The following CALN1 variants were observed in gnomAD, a reference collection of about 807,000 sequenced individuals.
CALN1 encodes the protein calcium-binding protein 8.
In CALN1, 17 loss-of-function variants were observed where a neutral mutation model predicts 30.6. The ratio of observed to expected loss-of-function variants is 0.56; its 90% CI spans 0.38 to 0.83. The LOEUF is 0.83. Ranked by LOEUF, CALN1 falls within the 40% of genes least tolerant of loss-of-function variation. The pLI is 0.00. For missense variants in CALN1, 291 were observed against 354.9 expected (o/e 0.82, Z 1.45); for synonymous variants, 156 against 131.4 (o/e 1.19, Z -1.28).
chr7:72,058,878 G>A (rs1047626043), intron 4 of CALN1, among the ~76,000 whole-genome samples: 3 of 151,984 alleles, frequency 2.0e-5, no homozygotes, highest in East Asian at 1.9e-4. Flanking sequence ...AACAAAAGTC[G>A]AAAACGAAGA....
At chr7:72,261,832 G>C (rs919518201) in intron 3 of CALN1, among the ~76,000 whole-genome samples, 1 of 152,146 alleles carries the variant, frequency 6.6e-6, no homozygotes, top group East Asian at 1.9e-4. Flanking sequence ...TGAAGTTGAT[G>C]AGTAGAGTTT....
At chr7:72,194,093 A>G (rs1231791906) in intron 3 of CALN1, among the ~76,000 whole-genome samples, 2 of 152,230 alleles carry the variant, frequency 1.3e-5, no homozygotes, top group Non-Finnish European at 2.9e-5. Context: ...TGTTCCCCAA[A>G]AAATCTATTG....
intron 4 of CALN1, among the ~76,000 whole-genome samples, chr7:72,073,345 T>C (rs1436690153): frequency 6.6e-6 from 1 of 152,210 alleles, no homozygotes; most frequent in Non-Finnish European, 1.5e-5. Flanking sequence ...TTAAACAATA[T>C]TTACTTGCTT....
intron 5 of CALN1, among the ~76,000 whole-genome samples, chr7:71,955,169 A>T (rs542383763): frequency 2.0e-5 from 3 of 152,242 alleles, no homozygotes; most frequent in Middle Eastern, 3.4e-3. Context: ...GGCAGGAGAG[A>T]GTGAGAACCA....
intron 5 of CALN1, among the ~76,000 whole-genome samples, chr7:71,860,960 G>A (rs544681200): frequency 6.9e-4 from 105 of 152,286 alleles, no homozygotes; most frequent in Non-Finnish European, 1.4e-3. Context: ...CGATGACAAA[G>A]AGAACCATCT....
At chr7:72,076,903 T>C (rs571400644) in intron 4 of CALN1, among the ~76,000 whole-genome samples, 1 of 152,086 alleles carries the variant, frequency 6.6e-6, no homozygotes, top group Admixed American at 6.6e-5. Context: ...TTCTCTCTCT[T>C]TTATTTATTT....
the CALN1 span, among the ~76,000 whole-genome samples, chr7:72,484,895 T>C: frequency 6.6e-6 from 1 of 152,206 alleles, no homozygotes. Context: ...TTATTGTTTT[T>C]TATGTATTTT....
At chr7:72,282,930 T>A (rs1350924696) in intron 2 of CALN1, among the ~76,000 whole-genome samples, 1 of 151,980 alleles carries the variant, frequency 6.6e-6, no homozygotes, top group South Asian at 2.1e-4. Flanking sequence ...GGTGGGTGCC[T>A]GTAATCCCAG....
chr7:72,126,603 C>T (rs529107416), intron 3 of CALN1, among the ~76,000 whole-genome samples: 99 of 152,212 alleles, frequency 6.5e-4, no homozygotes, highest in African/African-American at 2.1e-3. Context: ...TTACCCCTCA[C>T]CCCTTTCCCC....
At chr7:72,404,296 C>A (rs1411977024) in intron 1 of CALN1, among the ~76,000 whole-genome samples, 1 of 152,182 alleles carries the variant, frequency 6.6e-6, no homozygotes, top group African/African-American at 2.4e-5. Context: ...CAGATGCACA[C>A]TGTGTGGCAT....
chr7:72,341,712 T>C (rs1398084375), intron 2 of CALN1, among the ~76,000 whole-genome samples: 1 of 152,184 alleles, frequency 6.6e-6, no homozygotes, highest in Non-Finnish European at 1.5e-5. Context: ...TGAATCTCAT[T>C]GCCCTCATCT....
chr7:72,098,956 CATG>C (rs1806444173), intron 4 of CALN1, among the ~76,000 whole-genome samples: 1 of 152,108 alleles, frequency 6.6e-6, no homozygotes, highest in Admixed American at 6.5e-5. Context: ...ATGACTGTTC[CATG>C]TGTAGCCGGC....
intron 3 of CALN1, among the ~76,000 whole-genome samples, chr7:72,150,653 G>A (rs891503908): frequency 1.3e-5 from 2 of 152,176 alleles, no homozygotes; most frequent in African/African-American, 4.8e-5. Context: ...CAGAGAGAAC[G>A]TGAGAGGGGC....
At position 72,140,087 on chromosome 7, in the gene CALN1, A is replaced by C. The variant is rs73355308; in HGVS notation, c.245-33793T>G. ...GGAGTTTGAAACCAGCCTGGGCAAC[A>C]AAGTAACACCCTGTCTCTGCAATAA... On this transcript the variant is annotated intron_variant, in intron 3 of 6. Transcript: ENST00000395275. 6.1e-3 allele frequency among the ~76,000 whole-genome samples: 935 copies of C among 152,034 alleles called. 6 individuals are homozygous for C. The highest frequency in any genetic ancestry group is 0.019 in the African/African-American group (799 of 41,468).
At position 71,993,429 on chromosome 7, in the gene CALN1, G is replaced by A. The variant is rs187151807; in HGVS notation, c.501+30228C>T. On this transcript the variant is annotated intron_variant, in intron 5 of 6. Transcript: ENST00000395275. ...TGCAGTGAGCTATGATTGCACCGCT[G>A]CACCCCAGCCTGGGCAACAATGAGG... 1.8e-4 allele frequency among the ~76,000 whole-genome samples: 27 copies of A among 151,264 alleles called. No individual in the cohort carries two copies. The East Asian group carries it at 5.1e-3, about 28-fold the overall frequency.
At chr7:72,264,662 C>T (rs1796494393) in intron 3 of CALN1, among the ~76,000 whole-genome samples, 1 of 152,130 alleles carries the variant, frequency 6.6e-6, no homozygotes, top group Admixed American at 6.6e-5. Flanking sequence ...GCACCACACC[C>T]AGCTGATTTT....
At position 71,846,934 on chromosome 7, in the gene CALN1, CATATATGT is replaced by C. The variant is rs554723695; in HGVS notation, c.502-36450_502-36443del. 4.6e-3 allele frequency among the ~76,000 whole-genome samples: 658 copies of C among 142,814 alleles called. 3 individuals are homozygous for C. The highest frequency in any genetic ancestry group is 0.016 in the African/African-American group (638 of 38,880). The allele number at this position is 142,814 out of a possible 152,430, so 93.7% of individuals were successfully genotyped here. ...CATACATATATGTATATTATATATA[CATATATGT>C]ATATATACATATATAATATATACAC... On this transcript the variant is annotated intron_variant, in intron 5 of 6. Coordinates refer to ENST00000395275, the MANE Select transcript of CALN1 (RefSeq NM_031468.4).
At chr7:72,301,610 C>A (rs369263994) in intron 2 of CALN1, among the ~76,000 whole-genome samples, 229 of 104,272 alleles carry the variant, frequency 2.2e-3, no homozygotes, top group South Asian at 3.0e-3. Flanking sequence ...CTTTGTCTCT[C>A]AAAAAAAAAA....
At chr7:71,873,552 A>G (rs1470444560) in intron 5 of CALN1, among the ~76,000 whole-genome samples, 1 of 152,252 alleles carries the variant, frequency 6.6e-6, no homozygotes, top group Non-Finnish European at 1.5e-5. Flanking sequence ...AGCGTAGTGC[A>G]TAAATCATTT....
Sources: allele counts gnomAD v4.1 joint callset (sites outside exome capture counted in the v4.1 genomes callset), GRCh38; gene constraint gnomAD v4.1.1; transcripts MANE v1.5; gene names NCBI Gene and HGNC (gene_info 2026-07-23, HGNC 2026-07-21).